The following SLC20A2 variants were observed in gnomAD, a reference collection of about 807,000 sequenced individuals.
The protein encoded by SLC20A2 is solute carrier family 20 member 2.
In SLC20A2, 30 loss-of-function variants were observed where a neutral mutation model predicts 61.0. The ratio of observed to expected loss-of-function variants is 0.49; its 90% CI spans 0.37 to 0.67. The LOEUF is 0.67. Ranked by LOEUF, SLC20A2 falls within the 30% of genes least tolerant of loss-of-function variation. The pLI, the probability that SLC20A2 is intolerant of heterozygous loss-of-function variation, is 0.00. For synonymous variants in SLC20A2, 351 were observed against 353.3 expected, an observed-to-expected ratio of 0.99 and a Z score of 0.07; for missense variants, 626 against 866.4, an observed-to-expected ratio of 0.72 and a Z score of 3.48.
chr8:42,432,154 A>G (rs1190473752), intron 8 of SLC20A2, among the ~76,000 whole-genome samples: 1 of 152,242 alleles, frequency 6.6e-6, no homozygotes, highest in Non-Finnish European at 1.5e-5. Context: ...AGGATCCCCC[A>G]TTCCAGATGC....
intron 10 of SLC20A2, among the ~76,000 whole-genome samples, chr8:42,425,045 CAAACA>C (rs755675616): frequency 2.6e-5 from 4 of 152,232 alleles, no homozygotes; most frequent in South Asian, 4.1e-4. Flanking sequence ...GACTCTGTCT[CAAACA>C]AAACAAAACA....
chr8:42,517,769 G>A (rs1378100795), intron 1 of SLC20A2, among the ~76,000 whole-genome samples: 3 of 152,038 alleles, frequency 2.0e-5, no homozygotes, highest in African/African-American at 7.2e-5. Context: ...TCAATTAACT[G>A]GAAGTCAACT....
At chr8:42,520,334 A>C (rs918238149) in intron 1 of SLC20A2, among the ~76,000 whole-genome samples, 5 of 151,766 alleles carry the variant, frequency 3.3e-5, no homozygotes, top group African/African-American at 1.2e-4. Context: ...CATCTTTATA[A>C]GTATTTTAAA....
At chr8:42,481,663 G>A (rs1250042476) in intron 1 of SLC20A2, among the ~76,000 whole-genome samples, 1 of 152,168 alleles carries the variant, frequency 6.6e-6, no homozygotes, top group Non-Finnish European at 1.5e-5. Context: ...GGAAGAGGCC[G>A]TTTAGCCTGG....
At chr8:42,451,645 A>G (rs1805668575) in intron 5 of SLC20A2, among the ~76,000 whole-genome samples, 2 of 117,068 alleles carry the variant, frequency 1.7e-5, no homozygotes, top group East Asian at 3.1e-4. Context: ...GATGAAGAGG[A>G]AGAGGAGGAA....
At chr8:42,428,984 G>C (rs1803639260) in intron 9 of SLC20A2, 142 bp from the exon 10 acceptor site, 1 of 618,848 alleles carries the variant, frequency 1.6e-6, no homozygotes, top group Admixed American at 3.6e-5. Context: ...AACAGAACAA[G>C]AGGCCGCTGC....
At chr8:42,436,830 G>A (rs573945429) in intron 8 of SLC20A2, among the ~76,000 whole-genome samples, 159 bp downstream of exon 8, 89 of 152,316 alleles carry the variant, frequency 5.8e-4, no homozygotes, top group Non-Finnish European at 1.0e-3. Flanking sequence ...TGTCCCGCAC[G>A]CAATGCTGAC....
intron 7 of SLC20A2, among the ~76,000 whole-genome samples, chr8:42,438,070 A>C (rs1248327617): frequency 0.013 from 1,891 of 148,252 alleles, 72 homozygotes; most frequent in African/African-American, 0.043. Context: ...AACCAAAAAA[A>C]AAAAAAAAAA....
rs1475029916 is a variant in SLC20A2, at chr8:42,463,298, C to G, written c.431-208G>C. 9.0e-6 allele frequency: 4 copies of G among 445,870 alleles called. 1 individual carries two copies. The highest frequency in any genetic ancestry group is 6.1e-5 in the African/African-American group (3 of 49,406). 27.6% of individuals were successfully genotyped at this position (445,870 alleles called of 1,614,324 possible). A position where few individuals can be genotyped will look rare whatever the true frequency, so the allele number is the denominator to read the frequency against. On this transcript the variant is annotated intron_variant, in intron 3 of 10. Transcript: ENST00000520262. Reference sequence around the variant, plus strand: ...ATGGCCACACTCAGACATCAACACACAGTCACACACCACTGACCACACTGC... The same window carrying G: ...ATGGCCACACTCAGACATCAACACAGAGTCACACACCACTGACCACACTGC...
chr8:42,419,186 T>C (rs984179577), intron 10 of SLC20A2, among the ~76,000 whole-genome samples: 30 of 152,300 alleles, frequency 2.0e-4, no homozygotes, highest in African/African-American at 6.7e-4. Flanking sequence ...CTTTTTAATA[T>C]GATTAAAATA....
At chr8:42,426,718 C>G (rs1585991135) in intron 10 of SLC20A2, among the ~76,000 whole-genome samples, 1 of 130,624 alleles carries the variant, frequency 7.7e-6, no homozygotes, top group Non-Finnish European at 1.8e-5. Flanking sequence ...CAAAACAAAA[C>G]AAAACAAAAA....
In SLC20A2 at chr8:42,488,113, T is replaced by C. The variant is rs552817161; in HGVS notation, c.-265+12918A>G. ...ATTTCCTTGTAGGTGTAGACCACAC[T>C]GTGCTTATCCATTCATCCATCAGTG... On this transcript the variant is annotated intron_variant, in intron 1 of 10. Transcript: ENST00000520262. Among the ~76,000 whole-genome samples the C allele has an allele frequency of 6.6e-5, 10 of 152,082 alleles. No individual in the cohort carries two copies. The South Asian group carries it at 1.0e-3, about 16-fold the overall frequency.
Position 42,506,328 on chromosome 8 carries a change from G to A in SLC20A2, c.-264-33674C>T, listed in dbSNP as rs183615259. Among the ~76,000 whole-genome samples the A allele has an allele frequency of 5.5e-3, 842 of 152,292 alleles. 2 individuals are homozygous for A. Among genetic ancestry groups the A allele is most frequent in the Non-Finnish European group, 8.5e-3 (579 of 68,026 alleles). On this transcript the variant is annotated intron_variant, in intron 1 of 10. Coordinates refer to the SLC20A2 transcript ENST00000342228. ...CACGACCTACTAGCTGTCTGACCTC[G>A]AGCAATTGAGCTCACCTCTGTGACT...
At chr8:42,487,904 T>C (rs1355849301) in intron 1 of SLC20A2, among the ~76,000 whole-genome samples, 1 of 152,196 alleles carries the variant, frequency 6.6e-6, no homozygotes, top group African/African-American at 2.4e-5. Flanking sequence ...CTTGCCATTC[T>C]CGCCTTTCTC....
At chr8:42,466,643 T>G (rs1807194452) in intron 2 of SLC20A2, among the ~76,000 whole-genome samples, 1 of 152,052 alleles carries the variant, frequency 6.6e-6, no homozygotes, top group African/African-American at 2.4e-5. Context: ...TAAGAGAGTA[T>G]AATACCATGT....
intron 1 of SLC20A2, among the ~76,000 whole-genome samples, chr8:42,495,150 C>T (rs769237494): frequency 2.4e-4 from 36 of 152,098 alleles, no homozygotes; most frequent in Non-Finnish European, 4.3e-4. Context: ...CCACTGCGCC[C>T]GGCCACGTCT....
chr8:42,452,059 A>G (rs1169617061), intron 5 of SLC20A2, among the ~76,000 whole-genome samples: 2 of 113,498 alleles, frequency 1.8e-5, no homozygotes. Context: ...GGAAGAGATG[A>G]AGAGGAGGGG....
chr8:42,468,911 C>A (rs888475478), intron 2 of SLC20A2, among the ~76,000 whole-genome samples: 2 of 152,254 alleles, frequency 1.3e-5, no homozygotes, highest in South Asian at 4.1e-4. Flanking sequence ...TGGTTTCCTA[C>A]AAAATGGACA....
intron 10 of SLC20A2, among the ~76,000 whole-genome samples, chr8:42,421,622 T>C (rs1803045632): frequency 6.6e-6 from 1 of 152,070 alleles, no homozygotes; most frequent in African/African-American, 2.4e-5. Context: ...CTGACCAACA[T>C]GGAGAAACCC....
Sources: gnomAD v4.1 joint callset for allele counts (sites outside exome capture counted in the v4.1 genomes callset) on GRCh38, gnomAD v4.1.1 for gene constraint, MANE v1.5 for transcripts, NCBI Gene and HGNC (gene_info 2026-07-23, HGNC 2026-07-21) for gene names.